The following BAG6 variants were observed in gnomAD, a reference collection of about 807,000 sequenced individuals.
The protein encoded by BAG6 is BAG cochaperone 6, also known as large proline-rich protein BAG6.
BAG6 carries 22 observed loss-of-function variants against 121.0 expected under a neutral mutation model. That is an observed-to-expected ratio of 0.18 (90% CI 0.13 to 0.26). The LOEUF (loss-of-function observed/expected upper bound fraction) is 0.26, where lower values mean the gene tolerates loss of function less well. Ranked by LOEUF, BAG6 falls within the 10% of genes least tolerant of loss-of-function variation. BAG6 has a pLI of 1.00. For missense variants in BAG6, 1,233 were observed against 1,537.7 expected (o/e 0.80, Z 3.31); for synonymous variants, 583 against 584.6 (o/e 1.00, Z 0.04).
In BAG6 at chr6:31,649,350, TGAG is replaced by T; in HGVS notation, c.269_271del (p.Pro90del). 6.2e-7 allele frequency: 1 copy of T among 1,611,948 alleles called. No homozygotes were observed. The highest frequency in any genetic ancestry group is 8.5e-7 in the Non-Finnish European group (1 of 1,179,092). On this transcript the variant is annotated inframe_deletion, in exon 4 of 26. Coordinates refer to ENST00000676615, the MANE Select transcript of BAG6 (RefSeq NM_001387994.1). The stretch of plus-strand genomic sequence containing the variant: ...AGATGCCCCAGAAGGGAGGTGAGTC[TGAG>T]GAGGAGCCCGTTCCACCAGGTGGAT...
chr6:31,652,320 AACACACACACACACACACACACACAC>A (rs879204976), intron 1 of BAG6, 78 bp downstream of exon 1: 1 of 121,716 alleles, frequency 8.2e-6, no homozygotes, highest in African/African-American at 3.1e-5. Flanking sequence ...CCCACAGCCA[AACACACACACACACACACACACACAC>A]ACACACACAC....
Position 31,644,605 on chromosome 6 carries a change from G to C in BAG6, c.1370-3C>G. On this transcript the variant is annotated splice_polypyrimidine_tract_variant and splice_region_variant and intron_variant, in intron 10 of 25. Transcript: ENST00000676615. This position sits in a 1 kb window ranked among gnomAD's most constrained non-coding sequence, Gnocchi z 4.9. Reference sequence around the variant, plus strand: ...ACCACCAGGCTGTGTGCCAGAATCTGGGCAGGGAGACAGAGACAGTGGCCC... The same window carrying C: ...ACCACCAGGCTGTGTGCCAGAATCTCGGCAGGGAGACAGAGACAGTGGCCC... 1 of 1,612,480 alleles carries C rather than the reference G, an allele frequency of 6.2e-7. No homozygotes were observed. Among genetic ancestry groups the C allele is most frequent in the Non-Finnish European group, 8.5e-7 (1 of 1,179,822 alleles).
chr6:31,647,107 T>C (rs1037932956), intron 7 of BAG6, among the ~76,000 whole-genome samples: 1 of 151,910 alleles, frequency 6.6e-6, no homozygotes, highest in African/African-American at 2.4e-5. Flanking sequence ...TTCACCATGT[T>C]GGCCAGGCTG....
Position 31,641,514 on chromosome 6 carries a change from A to G in BAG6, c.2559+25T>C. ...CTGCCTTGACCAGACCCAGGAGAGGAAAGGAATAGAGAAGGGTTACTCACA... is the reference window on the plus strand; with the variant it reads ...CTGCCTTGACCAGACCCAGGAGAGGGAAGGAATAGAGAAGGGTTACTCACA... On this transcript the variant is annotated intron_variant, in intron 18 of 25. Transcript: ENST00000676615. This position sits in a 1 kb window ranked among gnomAD's most constrained non-coding sequence, Gnocchi z 5.7. 4 of 1,614,148 alleles carry G rather than the reference A, an allele frequency of 2.5e-6. No individual in the cohort carries two copies. Among genetic ancestry groups the G allele is most frequent in the Non-Finnish European group, 3.4e-6 (4 of 1,179,996 alleles).
At position 31,644,031 on chromosome 6, in the gene BAG6, G is replaced by C; in HGVS notation, c.1668+51C>G. 6.2e-7 allele frequency: 1 copy of C among 1,612,616 alleles called. No homozygotes were observed. Among genetic ancestry groups the C allele is most frequent in the East Asian group, 2.2e-5 (1 of 44,878 alleles). ...ACCTGCCCTTCCATGCACCACCACAGGAGTCTCTCCCTAGACTGTTACGCA... is the reference window on the plus strand; with the variant it reads ...ACCTGCCCTTCCATGCACCACCACACGAGTCTCTCCCTAGACTGTTACGCA... On this transcript the variant is annotated intron_variant, in intron 13 of 25. Transcript: ENST00000676615. This position sits in a 1 kb window ranked among gnomAD's most constrained non-coding sequence, Gnocchi z 4.9.
rs780311988 is a variant in BAG6 at position 31,644,345 on chromosome 6, T to A, written c.1517A>T (p.His506Leu). Residue 506 changes from histidine to leucine, a missense_variant, in exon 12 of 26, where the codon CAT (histidine) becomes CTT (leucine). Around this residue, in one of 7 missense-constraint regions of BAG6, gnomAD observed 777 missense variants for 861.4 expected, o/e 0.90. Transcript: ENST00000676615. This position sits in a 1 kb window ranked among gnomAD's most constrained non-coding sequence, Gnocchi z 4.9. ...FMHAVAHQIT[H>L]QAMVAAVASA... ...GGCAACAGCTGCCACCATGGCCTGA[T>A]GAGTGATCTGGTGGGCGACGGCGTG... The A allele has an allele frequency of 3.4e-5, 52 of 1,551,488 alleles. No individual in the cohort carries two copies. Among genetic ancestry groups the A allele is most frequent in the Non-Finnish European group, 4.4e-5 (50 of 1,147,180 alleles).
chr6:31,641,515 A>G lies in BAG6; in HGVS notation c.2559+24T>C. 1 of 1,614,124 alleles carries G rather than the reference A, an allele frequency of 6.2e-7. No individual in the cohort carries two copies. The highest frequency in any genetic ancestry group is 8.5e-7 in the Non-Finnish European group (1 of 1,179,980). On this transcript the variant is annotated intron_variant, in intron 18 of 25. Transcript: ENST00000676615. This position sits in a 1 kb window ranked among gnomAD's most constrained non-coding sequence, Gnocchi z 5.7. The stretch of plus-strand genomic sequence containing the variant: ...TGCCTTGACCAGACCCAGGAGAGGA[A>G]AGGAATAGAGAAGGGTTACTCACAA...
intron 7 of BAG6, among the ~76,000 whole-genome samples, chr6:31,647,339 CAGA>C (rs1296487538): frequency 6.6e-6 from 1 of 152,224 alleles, no homozygotes; most frequent in African/African-American, 2.4e-5. Context: ...TTCGTGAACT[CAGA>C]GGAGAATTCC....
At chr6:31,646,020 C>T (rs1351619500) in intron 8 of BAG6, among the ~76,000 whole-genome samples, 1 of 152,196 alleles carries the variant, frequency 6.6e-6, no homozygotes, top group Non-Finnish European at 1.5e-5. Flanking sequence ...CAGTCTCGCT[C>T]TGTCACCCAG....
intron 3 of BAG6, 32 bp from the exon 4 acceptor site, chr6:31,649,427 G>A: frequency 3.1e-6 from 5 of 1,607,300 alleles, no homozygotes; most frequent in South Asian, 1.1e-5. Context: ...CCAAAACATA[G>A]TATGAACAGG....
intron 4 of BAG6, 76 bp downstream of exon 4, chr6:31,649,123 C>G: frequency 6.4e-7 from 1 of 1,574,354 alleles, no homozygotes; most frequent in South Asian, 1.1e-5. Flanking sequence ...ATGGAAGCAT[C>G]TATCTTATTA....
chr6:31,644,415 C>T lies in BAG6; in HGVS notation c.1448-1G>A. The T allele has an allele frequency of 1.3e-6, 2 of 1,551,468 alleles. No homozygotes were observed. Among genetic ancestry groups the T allele is most frequent in the Admixed American group, 2.0e-5 (1 of 50,984 alleles). On this transcript the variant is annotated splice_acceptor_variant, in intron 11 of 25. Coordinates refer to ENST00000676615, the MANE Select transcript of BAG6 (RefSeq NM_001387994.1). LOFTEE classifies it high-confidence loss of function. The surrounding 1 kb of genome is among the most constrained non-coding windows in gnomAD (Gnocchi z 4.9). ...GAGGGCAGCTGGATGAGGGTGGAGC[C>T]TGGGGGGCGGGTCTGATGTAACCTT...
rs371286971 is a variant in BAG6 at position 31,644,953 on chromosome 6, G to A, written c.1362C>T (p.Asn454=). The A allele has an allele frequency of 1.3e-6, 2 of 1,581,854 alleles. No homozygotes were observed. The highest frequency in any genetic ancestry group is 1.7e-6 in the Non-Finnish European group (2 of 1,163,080). The change falls in exon 10 of 26, where the codon AAC becomes AAT. Residue 454 remains asparagine, a synonymous_variant. Transcript: ENST00000676615. This position sits in a 1 kb window ranked among gnomAD's most constrained non-coding sequence, Gnocchi z 4.9. ...SVEPVVMMHM[N]IQDSGTQPGG... is the part of the protein sequence containing the mutation. ...GCCAGCAACTATTCTCACCTTGAAT[G>A]TTCATGTGCATCATGACCACGGGTT...
At position 31,641,577 on chromosome 6, in the gene BAG6, A is replaced by G. The variant is rs755425897; in HGVS notation, c.2521T>C (p.Leu841=). Reference sequence around the variant, plus strand: ...ACATACTCTTCTAGCCCCGTGATCAATGTGTGGGTTGCCATCTGTGGAGGA... The same window carrying G: ...ACATACTCTTCTAGCCCCGTGATCAGTGTGTGGGTTGCCATCTGTGGAGGA... The part of the protein sequence containing the change: ...PSNIRMATHT[L]ITGLEEYVRE... The change falls in exon 18 of 26, where the codon TTG becomes CTG. Residue 841 remains leucine (L), a synonymous_variant. Transcript: ENST00000676615. The surrounding 1 kb of genome is among the most constrained non-coding windows in gnomAD (Gnocchi z 5.7). 1.2e-6 allele frequency: 2 copies of G among 1,614,130 alleles called. No individual in the cohort carries two copies. Among genetic ancestry groups the G allele is most frequent in the South Asian group, 1.1e-5 (1 of 91,086 alleles).
chr6:31,645,698 G>T, intron 8 of BAG6, 94 bp from the exon 9 acceptor site: 1 of 1,456,844 alleles, frequency 6.9e-7, no homozygotes, highest in Non-Finnish European at 9.4e-7. Flanking sequence ...AGAATACCAT[G>T]TCCTCCAAAA....
rs988605682 is a variant in BAG6 at position 31,640,128 on chromosome 6, A to G, written c.3246+71T>C. 38 of 1,473,094 alleles carry G rather than the reference A, an allele frequency of 2.6e-5. No homozygotes were observed. The highest frequency in any genetic ancestry group is 3.4e-5 in the Non-Finnish European group (36 of 1,056,422). The allele number at this position is 1,473,094 out of a possible 1,614,324, so 91.3% of individuals were successfully genotyped here. On this transcript the variant is annotated intron_variant, in intron 24 of 25. Coordinates refer to ENST00000676615, the MANE Select transcript of BAG6 (RefSeq NM_001387994.1). This position sits in a 1 kb window ranked among gnomAD's most constrained non-coding sequence, Gnocchi z 4.2. Reference sequence around the variant, plus strand: ...AATAACAAGAGCTCCCACCATCTCTACATAGTTTGATTCCAGGCATGACGG... The same window carrying G: ...AATAACAAGAGCTCCCACCATCTCTGCATAGTTTGATTCCAGGCATGACGG...
At chr6:31,650,919 G>A (rs1795934372) in intron 2 of BAG6, among the ~76,000 whole-genome samples, 1 of 152,174 alleles carries the variant, frequency 6.6e-6, no homozygotes, top group Non-Finnish European at 1.5e-5. Context: ...ATAAAAATTA[G>A]TAATTTCACT....
In BAG6 at chr6:31,644,144, G is replaced by A. The variant is rs1193915664; in HGVS notation, c.1606C>T (p.Arg536Trp). The change falls in exon 13 of 26, where the codon CGG becomes TGG. Residue 536 changes from arginine to tryptophan, a missense_variant. By Grantham distance (101) the Arg-to-Trp change is moderately radical. Transcript: ENST00000676615. The surrounding 1 kb of genome is among the most constrained non-coding windows in gnomAD (Gnocchi z 4.9). ...GGCCGAGCCTGTGGAGGAGTGGGCC[G>A]GGCAATCACCACCCGGGTTGGAGCT... is the stretch of plus-strand genomic sequence containing the variant. ...PTAPTRVVIA[R>W]PTPPQARPSH... is the part of the protein sequence containing the mutation. 9.9e-6 allele frequency: 16 copies of A among 1,613,914 alleles called. No individual in the cohort carries two copies. Among genetic ancestry groups the A allele is most frequent in the Non-Finnish European group, 1.3e-5 (15 of 1,179,976 alleles).
intron 6 of BAG6, 46 bp downstream of exon 6, chr6:31,648,631 G>A: frequency 1.3e-6 from 2 of 1,590,732 alleles, no homozygotes; most frequent in Non-Finnish European, 1.7e-6. Context: ...GAGAGAAAAG[G>A]GAGAGGGAGG....
Sources: gnomAD v4.1 joint callset for allele counts (sites outside exome capture counted in the v4.1 genomes callset) on GRCh38, gnomAD v4.1.1 for gene constraint, gnomAD v4.1.1 regional missense constraint, Gnocchi (gnomAD v3.1) non-coding constraint, MANE v1.5 for transcripts, NCBI Gene and HGNC (gene_info 2026-07-23, HGNC 2026-07-21) for gene names.